Variants in HDC observed in about 807,000 individuals in gnomAD.
HDC encodes the protein histidine decarboxylase.
HDC carries 27 observed loss-of-function variants against 64.4 expected under a neutral mutation model. The observed-to-expected ratio is 0.42, with a 90% confidence interval of 0.31 to 0.58. HDC has a LOEUF of 0.58. HDC is among the 20% of genes least tolerant of loss of function. The pLI is 0.16. For synonymous variants in HDC, 305 were observed against 314.2 expected, an observed-to-expected ratio of 0.97 and a Z score of 0.31; for missense variants, 711 against 833.9, an observed-to-expected ratio of 0.85 and a Z score of 1.81.
chr15:50,247,720 A>G (rs1023750898), intron 10 of HDC, among the ~76,000 whole-genome samples: 1 of 152,206 alleles, frequency 6.6e-6, no homozygotes, highest in African/African-American at 2.4e-5. Context: ...GTAATTGTTG[A>G]ATTGAATAGA....
rs372936445 is a variant in HDC at position 50,265,620 on chromosome 15, T to A, written c.4A>T (p.Met2Leu). The change falls in exon 1 of 12, where the codon ATG (methionine) becomes TTG (leucine). Residue 2 changes from methionine to leucine, a missense_variant. By Grantham distance (15) the Met-to-Leu change is conservative (BLOSUM62 2). Coordinates refer to ENST00000267845, the MANE Select transcript of HDC (RefSeq NM_002112.4). M[M>L]EPEEYRERGR... ...CTCTCTCTGTACTCCTCAGGCTCCA[T>A]CATCTCCCTTGGGCTCTGGCTCCTT... 1.2e-6 allele frequency: 2 copies of A among 1,613,728 alleles called. No individual in the cohort carries two copies. The highest frequency in any genetic ancestry group is 1.7e-6 in the Non-Finnish European group (2 of 1,179,806).
rs1161235238 is a variant in HDC at position 50,248,197 on chromosome 15, G to C, written c.1140+48C>G. The stretch of plus-strand genomic sequence containing the variant: ...TAGAAACCAGCCTTCCTCGCCATGA[G>C]AAAACAGAGGAACACAGGCTCAGCC... On this transcript the variant is annotated intron_variant, in intron 10 of 11. Transcript: ENST00000267845. This position sits in a 1 kb window ranked among gnomAD's most constrained non-coding sequence, Gnocchi z 4.3. 7.4e-7 allele frequency: 1 copy of C among 1,351,186 alleles called. No individual in the cohort carries two copies. Among genetic ancestry groups the C allele is most frequent in the African/African-American group, 1.4e-5 (1 of 69,864 alleles). The allele number at this position is 1,351,186 out of a possible 1,614,324, so 83.7% of individuals were successfully genotyped here.
At chr15:50,250,403 G>C (rs1208280771) in intron 9 of HDC, among the ~76,000 whole-genome samples, 2 of 152,174 alleles carry the variant, frequency 1.3e-5, no homozygotes, top group Non-Finnish European at 2.9e-5. Flanking sequence ...TAAGTGTAAG[G>C]CAGTGCCTTC....
chr15:50,263,584 G>A lies in HDC; in HGVS notation c.32-177C>T, dbSNP rs1291750869. ...TGGGAGGCTGAGGCAGGCGGATCAC[G>A]AGGTCAGGAGATCAAGACCATCCTG... On this transcript the variant is annotated intron_variant, in intron 1 of 11. Transcript: ENST00000267845. 2.0e-5 allele frequency among the ~76,000 whole-genome samples: 3 copies of A among 152,148 alleles called. No individual in the cohort carries two copies. The East Asian group carries it at 5.8e-4, about 29-fold the overall frequency.
chr15:50,246,963 A>T (rs745482764), intron 10 of HDC, among the ~76,000 whole-genome samples: 1 of 152,222 alleles, frequency 6.6e-6, no homozygotes, highest in Non-Finnish European at 1.5e-5. Flanking sequence ...ACTGGAGAAC[A>T]TTATGTTAAG....
chr15:50,256,805 CAAG>C lies in HDC; in HGVS notation c.441+617_441+619del, dbSNP rs142585942. On this transcript the variant is annotated intron_variant, in intron 4 of 11. Coordinates refer to ENST00000267845, the MANE Select transcript of HDC (RefSeq NM_002112.4). The stretch of plus-strand genomic sequence containing the variant: ...AGGAAACATACATTAAAGTAGAATT[CAAG>C]AATCTGAGGAATCTCAAAGGTCTTA... 7.2e-5 allele frequency among the ~76,000 whole-genome samples: 11 copies of C among 152,260 alleles called. No individual in the cohort carries two copies. In the East Asian group the frequency reaches 2.1e-3, roughly 29 times the overall value.
At chr15:50,264,522 C>A (rs1022085195) in intron 1 of HDC, among the ~76,000 whole-genome samples, 1 of 152,182 alleles carries the variant, frequency 6.6e-6, no homozygotes, top group African/African-American at 2.4e-5. Flanking sequence ...AAGTTGAACA[C>A]TCTGAAACTA....
chr15:50,252,851 T>C, intron 7 of HDC, 77 bp from the exon 8 acceptor site: 2 of 1,427,536 alleles, frequency 1.4e-6, no homozygotes, highest in Non-Finnish European at 1.9e-6. Flanking sequence ...CCAAGCTGAG[T>C]GGTGGGCTGC....
Position 50,254,646 on chromosome 15 carries a change from T to G in HDC, c.460A>C (p.Thr154Pro). 1 of 1,614,168 alleles carries G rather than the reference T, an allele frequency of 6.2e-7. No individual in the cohort carries two copies. The highest frequency in any genetic ancestry group is 8.5e-7 in the Non-Finnish European group (1 of 1,180,018). The part of the protein sequence containing the change: ...GVLQSTVSES[T>P]LIALLAARKN... ...CTTGCTGCCAGCAGGGCAATCAAAG[T>G]GGATTCACTGACCGTGCTCTGCAGG... is the stretch of plus-strand genomic sequence containing the variant. Residue 154 changes from threonine (T) to proline (P), a missense_variant, in exon 5 of 12, where the codon ACT becomes CCT. Physicochemically the swap from Thr to Pro is conservative, Grantham distance 38. This residue lies in a region of HDC where 225 missense variants were observed against 276.2 expected (regional missense o/e 0.81). Coordinates refer to ENST00000267845, the MANE Select transcript of HDC (RefSeq NM_002112.4).
intron 10 of HDC, among the ~76,000 whole-genome samples, chr15:50,246,989 A>G (rs1219512745): frequency 6.6e-6 from 1 of 152,212 alleles, no homozygotes; most frequent in African/African-American, 2.4e-5. Flanking sequence ...TAAGCCAGGC[A>G]CAGAAGGACA....
chr15:50,256,367 G>A (rs191627073), intron 4 of HDC, among the ~76,000 whole-genome samples: 99 of 152,280 alleles, frequency 6.5e-4, no homozygotes, highest in African/African-American at 2.3e-3. Context: ...GAACTTCCTG[G>A]TTCTCATCTC....
Position 50,242,809 on chromosome 15 carries a change from A to C in HDC, c.1440T>G (p.Thr480=). The C allele has an allele frequency of 6.2e-7, 1 of 1,614,100 alleles. No homozygotes were observed. Among genetic ancestry groups the C allele is most frequent in the South Asian group, 1.1e-5 (1 of 91,072 alleles). ...TCCCAACCCGAGGGCTGGGTTGGGA[A>C]GTACAGTGCTGACTCAGGATGAGAG... The part of the protein sequence containing the change: ...AATLILSQHC[T]SQPSPRVGNL... The change falls in exon 12 of 12, where the codon ACT becomes ACG. Residue 480 remains threonine (T), a synonymous_variant. Coordinates refer to ENST00000267845, the MANE Select transcript of HDC (RefSeq NM_002112.4).
intron 2 of HDC, among the ~76,000 whole-genome samples, chr15:50,258,959 G>C (rs560627860): frequency 1.5e-4 from 23 of 152,080 alleles, no homozygotes; most frequent in African/African-American, 5.3e-4. Flanking sequence ...AAGAGATTGA[G>C]ACCATCCTGG....
At chr15:50,249,232 TC>T (rs2045521878) in intron 9 of HDC, among the ~76,000 whole-genome samples, 1 of 152,182 alleles carries the variant, frequency 6.6e-6, no homozygotes, top group Non-Finnish European at 1.5e-5. Flanking sequence ...AATTTCCAAA[TC>T]AATTTCAGAC....
intron 9 of HDC, among the ~76,000 whole-genome samples, chr15:50,251,844 AG>A (rs2045560221): frequency 1.3e-5 from 2 of 151,272 alleles, no homozygotes; most frequent in African/African-American, 4.9e-5. Flanking sequence ...AAAAAAAAAA[AG>A]AAAGAAAGAA....
chr15:50,242,222 T>C lies in HDC; in HGVS notation c.*38A>G. 1.3e-6 allele frequency: 2 copies of C among 1,554,452 alleles called. No individual in the cohort carries two copies. The highest frequency in any genetic ancestry group is 1.8e-6 in the Non-Finnish European group (2 of 1,126,040). On this transcript the variant is annotated 3_prime_UTR_variant, in exon 12 of 12. Coordinates refer to ENST00000267845, the MANE Select transcript of HDC (RefSeq NM_002112.4). ...AATTGTGAGGGGTTCACAGAGTCCC[T>C]GAAGTATATCCTCAGACTCTGGCTG...
Position 50,242,175 on chromosome 15 carries a change from T to G in HDC, c.*85A>C. The stretch of plus-strand genomic sequence containing the variant: ...GCCCCAAGAAAAATGCATGTACACA[T>G]AAGCACACAAAGTTGGCATACAATT... On this transcript the variant is annotated 3_prime_UTR_variant, in exon 12 of 12. Coordinates refer to ENST00000267845, the MANE Select transcript of HDC (RefSeq NM_002112.4). The G allele has an allele frequency of 8.8e-7, 1 of 1,142,420 alleles. No homozygotes were observed. Among genetic ancestry groups the G allele is most frequent in the Non-Finnish European group, 1.3e-6 (1 of 755,176 alleles). The allele number at this position is 1,142,420 out of a possible 1,614,324, so 70.8% of individuals were successfully genotyped here.
At chr15:50,255,532 G>A (rs557932252) in intron 4 of HDC, among the ~76,000 whole-genome samples, 26 of 152,128 alleles carry the variant, frequency 1.7e-4, no homozygotes, top group Non-Finnish European at 3.8e-4. Context: ...TAATCAGCTG[G>A]GTGCAGTGGC....
chr15:50,255,844 A>G lies in HDC; in HGVS notation c.442-1180T>C, dbSNP rs552237104. Among the ~76,000 whole-genome samples, 14 of 152,282 alleles carry G rather than the reference A, an allele frequency of 9.2e-5. No homozygotes were observed. In the East Asian group the frequency reaches 2.7e-3, roughly 29 times the overall value. On this transcript the variant is annotated intron_variant, in intron 4 of 11. Coordinates refer to ENST00000267845, the MANE Select transcript of HDC (RefSeq NM_002112.4). ...AACAACACCTTCCATCTGTATTGCA[A>G]TTCATAGTTTACAAAACACTTTCTG... is the stretch of plus-strand genomic sequence containing the variant.
Sources: gnomAD v4.1 joint callset for allele counts (sites outside exome capture counted in the v4.1 genomes callset) on GRCh38, gnomAD v4.1.1 for gene constraint, gnomAD v4.1.1 regional missense constraint, Gnocchi (gnomAD v3.1) non-coding constraint, MANE v1.5 for transcripts, NCBI Gene and HGNC (gene_info 2026-07-23, HGNC 2026-07-21) for gene names.